The following XIRP2 variants were observed in gnomAD, a reference collection of about 807,000 sequenced individuals.
XIRP2 encodes xin actin binding repeat containing 2, also known as xin actin-binding repeat-containing protein 2.
Under a neutral mutation model 277.0 loss-of-function variants are expected in XIRP2, and 236 were observed. That is an observed-to-expected ratio of 0.85 (90% confidence interval 0.77 to 0.95). XIRP2 has a LOEUF of 0.95. Among genes scored for constraint, XIRP2 ranks in the 40% least tolerant of loss-of-function variants. XIRP2 has a pLI of 0.00. For missense variants in XIRP2, 4,640 were observed against 4,157.5 expected (o/e 1.12, Z -3.19); for synonymous variants, 1,490 against 1,416.5 (o/e 1.05, Z -1.17).
chr2:167,103,522 C>T (rs200020949), intron 2 of XIRP2, among the ~76,000 whole-genome samples: 1 of 152,124 alleles, frequency 6.6e-6, no homozygotes, highest in East Asian at 1.9e-4. Context: ...TTTAGAGAGT[C>T]ACCATTGTTC....
intron 2 of XIRP2, among the ~76,000 whole-genome samples, chr2:166,985,069 ACAT>A (rs1686966626): frequency 6.6e-6 from 1 of 152,204 alleles, no homozygotes; most frequent in African/African-American, 2.4e-5. Flanking sequence ...CAGATATGTC[ACAT>A]CATTCTTTGT....
intron 2 of XIRP2, among the ~76,000 whole-genome samples, chr2:166,923,453 GTCC>G (rs1461684725): frequency 1.3e-5 from 2 of 152,024 alleles, no homozygotes; most frequent in African/African-American, 4.8e-5. Context: ...TTACTAGTAA[GTCC>G]TCCTAGTATG....
At chr2:167,112,623 ATTTT>A (rs1690791410) in intron 2 of XIRP2, among the ~76,000 whole-genome samples, 1 of 148,822 alleles carries the variant, frequency 6.7e-6, no homozygotes, top group Non-Finnish European at 1.5e-5. Context: ...CTCTCTATAT[ATTTT>A]TATGTATATA....
intron 2 of XIRP2, among the ~76,000 whole-genome samples, chr2:167,115,817 A>AC: frequency 6.6e-6 from 1 of 152,280 alleles, no homozygotes; most frequent in Admixed American, 6.5e-5. Context: ...CAGAAGCAGA[A>AC]CTACTGGGTT....
At chr2:167,182,494 A>C (rs941250496) in intron 3 of XIRP2, among the ~76,000 whole-genome samples, 1 of 152,186 alleles carries the variant, frequency 6.6e-6, no homozygotes, top group Non-Finnish European at 1.5e-5. Context: ...TATGGGGAAG[A>C]GTTGATCCCT....
At chr2:166,913,310 A>AC (rs58517509) in intron 2 of XIRP2, among the ~76,000 whole-genome samples, 35,485 of 113,898 alleles carry the variant, frequency 0.31, 5,005 homozygotes, top group Non-Finnish European at 0.4. Flanking sequence ...AATGGTGGGC[A>AC]CCCCCCCCCC....
rs569790102 is a variant in XIRP2, at chr2:167,177,707, A to G, written c.563-33028A>G. Among the ~76,000 whole-genome samples the G allele has an allele frequency of 9.2e-5, 14 of 152,324 alleles. No individual in the cohort carries two copies. The South Asian group carries it at 2.7e-3, about 29-fold the overall frequency. ...GAAACACTACACTTATCTATCAGAT[A>G]TGCAAATATCCAACTGTTTGACAGT... On this transcript the variant is annotated intron_variant, in intron 3 of 10. Transcript: ENST00000409195.
intron 2 of XIRP2, among the ~76,000 whole-genome samples, chr2:166,965,482 A>G (rs1358546908): frequency 1.3e-5 from 2 of 151,968 alleles, no homozygotes; most frequent in Non-Finnish European, 2.9e-5. Context: ...GGAAGGACAG[A>G]GAATATGACA....
At chr2:166,982,854 A>G (rs953460414) in intron 2 of XIRP2, among the ~76,000 whole-genome samples, 1 of 152,182 alleles carries the variant, frequency 6.6e-6, no homozygotes, top group Non-Finnish European at 1.5e-5. Flanking sequence ...AGCCAACAAC[A>G]TGGTAGATTT....
At position 167,244,307 on chromosome 2, in the gene XIRP2, C is replaced by T. The variant is rs1695175203; in HGVS notation, c.2915C>T (p.Thr972Ile). ...CATAAAATAGAGGTGGAAGGAGTTA[C>T]AAGAGGTGCTGTAGAGTTAAATAAA... ...ASHKIEVEGV[T>I]RGAVELNKSL... Residue 972 changes from threonine (T) to isoleucine (I), a missense_variant, in exon 9 of 11, where the codon ACA becomes ATA. Coordinates refer to ENST00000409195, the MANE Select transcript of XIRP2 (RefSeq NM_152381.6). 1.2e-6 allele frequency: 2 copies of T among 1,613,712 alleles called. No homozygotes were observed. The highest frequency in any genetic ancestry group is 1.3e-5 in the African/African-American group (1 of 74,890).
chr2:167,223,320 T>A (rs7564281), intron 5 of XIRP2, among the ~76,000 whole-genome samples: 7,878 of 152,244 alleles, frequency 0.052, 277 homozygotes, highest in East Asian at 0.1. Context: ...ATGAAATTGC[T>A]GCACTGAATC....
chr2:167,069,541 T>A (rs1689386364), intron 2 of XIRP2, among the ~76,000 whole-genome samples: 1 of 152,186 alleles, frequency 6.6e-6, no homozygotes, highest in Admixed American at 6.5e-5. Context: ...AGAAGCTTTG[T>A]GTTCAGATTT....
intron 2 of XIRP2, among the ~76,000 whole-genome samples, chr2:166,995,330 G>T (rs141164657): frequency 6.6e-6 from 1 of 152,148 alleles, no homozygotes; most frequent in African/African-American, 2.4e-5. Flanking sequence ...AGGCAAAAAC[G>T]TTAGTGACCT....
chr2:167,145,645 G>A (rs2105327120), intron 3 of XIRP2, among the ~76,000 whole-genome samples: 1 of 152,240 alleles, frequency 6.6e-6, no homozygotes, highest in East Asian at 1.9e-4. Flanking sequence ...ACTTTTTACT[G>A]GCAACTCAGG....
At chr2:167,186,190 ATAAT>A (rs1330928561) in intron 3 of XIRP2, among the ~76,000 whole-genome samples, 3 of 152,204 alleles carry the variant, frequency 2.0e-5, no homozygotes, top group African/African-American at 7.2e-5. Flanking sequence ...ACAACTCTAA[ATAAT>A]TAGTCTATAC....
chr2:166,997,490 T>C (rs1452625166), intron 2 of XIRP2, among the ~76,000 whole-genome samples: 2 of 152,178 alleles, frequency 1.3e-5, no homozygotes, highest in Non-Finnish European at 2.9e-5. Flanking sequence ...CCATTTAATA[T>C]TTTTTTCCAG....
At chr2:167,076,792 T>G (rs1319904042) in intron 2 of XIRP2, among the ~76,000 whole-genome samples, 1 of 152,148 alleles carries the variant, frequency 6.6e-6, no homozygotes, top group Non-Finnish European at 1.5e-5. Flanking sequence ...CATGTTAAGG[T>G]AGCAGCTACT....
intron 2 of XIRP2, among the ~76,000 whole-genome samples, chr2:166,913,035 A>C (rs1014107961): frequency 5.9e-5 from 9 of 152,208 alleles, no homozygotes. Context: ...CCTCCCAGTC[A>C]GGCTACTCAG....
At chr2:167,002,183 C>T (rs1687391991) in intron 2 of XIRP2, among the ~76,000 whole-genome samples, 1 of 151,908 alleles carries the variant, frequency 6.6e-6, no homozygotes, top group Non-Finnish European at 1.5e-5. Context: ...TATCATTTTC[C>T]TGCAATTTTA....
Sources: gnomAD v4.1 joint callset for allele counts (sites outside exome capture counted in the v4.1 genomes callset) on GRCh38, gnomAD v4.1.1 for gene constraint, MANE v1.5 for transcripts, NCBI Gene and HGNC (gene_info 2026-07-23, HGNC 2026-07-21) for gene names.